ARPIN: variants seen among roughly 807,000 people sequenced by gnomAD.
ARPIN encodes the protein actin related protein 2/3 complex inhibitor, also known as UPF0552 protein C15orf38.
A neutral mutation model predicts 25.9 loss-of-function variants in ARPIN; 23 were observed. The observed-to-expected ratio is 0.89, with a 90% confidence interval of 0.64 to 1.26. The LOEUF is 1.26. ARPIN is among the 50% of genes most tolerant of loss of function. The pLI is 0.00. For missense variants in ARPIN, 333 were observed against 312.2 expected (o/e 1.07, Z -0.50); for synonymous variants, 126 against 131.4 (o/e 0.96, Z 0.28).
intron 4 of ARPIN, 30 bp downstream of exon 4, chr15:89,903,747 G>A: frequency 1.2e-6 from 2 of 1,612,150 alleles, no homozygotes; most frequent in Non-Finnish European, 1.7e-6. Flanking sequence ...CACAGGAACA[G>A]TGGGCCACAG....
At chr15:89,912,465 A>G in intron 1 of ARPIN, 1 of 1,242,574 alleles carries the variant, frequency 8.0e-7, no homozygotes, top group South Asian at 2.7e-5. Flanking sequence ...GCGTGAGGCG[A>G]AGCCCAGCCT....
intron 5 of ARPIN, among the ~76,000 whole-genome samples, chr15:89,902,365 G>A (rs541792953): frequency 3.0e-4 from 46 of 152,158 alleles, no homozygotes; most frequent in African/African-American, 1.0e-3. Flanking sequence ...CTGAGATGGC[G>A]CCATTGCACT....
intron 3 of ARPIN, 112 bp from the exon 4 acceptor site, chr15:89,904,095 G>A: frequency 7.6e-7 from 1 of 1,322,230 alleles, no homozygotes; most frequent in East Asian, 2.5e-5. Context: ...TCACCCGGAG[G>A]CTGGGACTCA....
chr15:89,903,444 C>G, intron 4 of ARPIN, 65 bp from the exon 5 acceptor site: 2 of 1,601,310 alleles, frequency 1.2e-6, no homozygotes, highest in East Asian at 4.5e-5. Context: ...AGGGCTGGGC[C>G]CATTATGGTG....
intron 2 of ARPIN, 86 bp downstream of exon 2, chr15:89,910,658 G>T: frequency 6.4e-7 from 1 of 1,557,778 alleles, no homozygotes; most frequent in Non-Finnish European, 8.8e-7. Flanking sequence ...TCATGGCACT[G>T]GAAGGACCCA....
intron 2 of ARPIN, 44 bp from the exon 3 acceptor site, chr15:89,908,456 C>T: frequency 1.2e-6 from 2 of 1,609,656 alleles, no homozygotes; most frequent in Non-Finnish European, 1.7e-6. Flanking sequence ...CTTCATCCCA[C>T]AACACACACA....
Position 89,900,673 on chromosome 15 carries a change from C to G in ARPIN, c.*1122G>C, listed in dbSNP as rs886956413. ...AGTTCACCACCACCCTCTCTTTTCC[C>G]AAGTCAAGCAAGATCCACATGCCAC... On this transcript the variant is annotated 3_prime_UTR_variant, in exon 6 of 6. Transcript: ENST00000357484. 6.6e-6 allele frequency: 1 copy of G among 152,172 alleles called. No homozygotes were observed. The highest frequency in any genetic ancestry group is 2.1e-4 in the South Asian group (1 of 4,832). 9.4% of individuals were successfully genotyped at this position (152,172 alleles called of 1,614,324 possible).
intron 3 of ARPIN, among the ~76,000 whole-genome samples, chr15:89,904,269 A>G (rs965645348): frequency 5.3e-5 from 8 of 152,216 alleles, no homozygotes; most frequent in African/African-American, 1.7e-4. Flanking sequence ...CCTACCTGAC[A>G]GGACTGAAAT....
At chr15:89,907,359 C>T (rs1413349340) in intron 3 of ARPIN, among the ~76,000 whole-genome samples, 2 of 152,180 alleles carry the variant, frequency 1.3e-5, no homozygotes, top group South Asian at 2.1e-4. Context: ...TGAGCCACCA[C>T]ACTCACCCTA....
intron 3 of ARPIN, among the ~76,000 whole-genome samples, chr15:89,905,227 G>A (rs957335167): frequency 1.3e-5 from 2 of 152,024 alleles, no homozygotes; most frequent in Non-Finnish European, 2.9e-5. Flanking sequence ...TCACCATGTT[G>A]GCCAGGCTGG....
chr15:89,900,011 T>C lies in ARPIN; in HGVS notation c.*1784A>G, dbSNP rs1041735865. The C allele has an allele frequency of 6.6e-6, 1 of 152,280 alleles. No homozygotes were observed. Among genetic ancestry groups the C allele is most frequent in the Non-Finnish European group, 1.5e-5 (1 of 68,086 alleles). The allele number at this position is 152,280 out of a possible 1,614,324, so 9.4% of individuals were successfully genotyped here. ...GGCCTCCTTGTTTGGAATGGTGACCTGTCCATATAAGTGTGCCATACCCTT... is the reference window on the plus strand; with the variant it reads ...GGCCTCCTTGTTTGGAATGGTGACCCGTCCATATAAGTGTGCCATACCCTT... On this transcript the variant is annotated 3_prime_UTR_variant, in exon 6 of 6. Coordinates refer to ENST00000357484, the MANE Select transcript of ARPIN (RefSeq NM_182616.4).
intron 5 of ARPIN, among the ~76,000 whole-genome samples, chr15:89,902,634 T>C (rs147500846): frequency 2.0e-5 from 3 of 151,132 alleles, no homozygotes; most frequent in African/African-American, 7.3e-5. Context: ...AGCCCAGGAG[T>C]TCGAGGCTGC....
intron 4 of ARPIN, 48 bp downstream of exon 4, chr15:89,903,729 A>T (rs1897065600): frequency 6.2e-7 from 1 of 1,604,966 alleles, no homozygotes; most frequent in Non-Finnish European, 8.5e-7. Flanking sequence ...AAGAGCCCCC[A>T]TGGGCCACAC....
At chr15:89,908,577 T>C (rs113873487) in intron 2 of ARPIN, among the ~76,000 whole-genome samples, 165 bp from the exon 3 acceptor site, 2,559 of 152,196 alleles carry the variant, frequency 0.017, 28 homozygotes, top group Non-Finnish European at 0.027. Flanking sequence ...CAAATACTTA[T>C]GCATTCATGG....
rs377263883 is a variant in ARPIN at position 89,903,982 on chromosome 15, C to A, written c.303G>T (p.Lys101Asn). Residue 101 changes from lysine to asparagine, a missense_variant and splice_region_variant, in exon 4 of 6, where the codon AAG becomes AAT. Lys to Asn is a moderately conservative substitution (Grantham distance 94). Transcript: ENST00000357484. ...TGTCAGTGTCCCCCTTGGCTTCCAC[C>A]TCTGCAGGCACAGAGCGCAGGAGGG... ...VNTGFLMSSY[K>N]VEAKGDTDRL... 10 of 1,604,470 alleles carry A rather than the reference C, an allele frequency of 6.2e-6. No homozygotes were observed. Among genetic ancestry groups the A allele is most frequent in the African/African-American group, 1.3e-5 (1 of 74,886 alleles).
intron 2 of ARPIN, 137 bp downstream of exon 2, chr15:89,910,607 C>T: frequency 2.0e-6 from 2 of 1,021,218 alleles, no homozygotes; most frequent in Non-Finnish European, 1.5e-6. Flanking sequence ...ATCTCCTGAC[C>T]TACTTCCCAC....
chr15:89,907,391 A>C (rs11854181), intron 3 of ARPIN, among the ~76,000 whole-genome samples: 4,179 of 152,222 alleles, frequency 0.027, 187 homozygotes, highest in African/African-American at 0.094. Flanking sequence ...AAAAAGAAAA[A>C]AAATCATATG....
At chr15:89,912,493 G>T in intron 1 of ARPIN, 1 of 1,284,506 alleles carries the variant, frequency 7.8e-7, no homozygotes, top group South Asian at 2.3e-5. Flanking sequence ...CCTGTCTGGG[G>T]GTCGGGACCC....
At chr15:89,910,963 G>T in intron 1 of ARPIN, 144 bp from the exon 2 acceptor site, 1 of 1,017,824 alleles carries the variant, frequency 9.8e-7, no homozygotes, top group Non-Finnish European at 1.4e-6. Context: ...ATCTCCAAAG[G>T]GTCCCAAAGG....
Sources: gnomAD v4.1 joint callset for allele counts (sites outside exome capture counted in the v4.1 genomes callset) on GRCh38, gnomAD v4.1.1 for gene constraint, MANE v1.5 for transcripts, NCBI Gene and HGNC (gene_info 2026-07-23, HGNC 2026-07-21) for gene names.